ATG7: variants seen among roughly 807,000 people sequenced by gnomAD.
ATG7 encodes the protein autophagy related 7, also known as ubiquitin-like modifier-activating enzyme ATG7.
A neutral mutation model predicts 82.4 loss-of-function variants in ATG7; 70 were observed. That is an observed-to-expected ratio of 0.85 (90% CI 0.70 to 1.04). The LOEUF is 1.04. Among genes scored for constraint, ATG7 ranks in the 50% least tolerant of loss-of-function variants. The pLI is 0.00. For missense variants in ATG7, 792 were observed against 864.3 expected (o/e 0.92, Z 1.05); for synonymous variants, 287 against 313.0 (o/e 0.92, Z 0.88).
At chr3:11,511,282 G>A (rs1289125052) in intron 20 of ATG7, among the ~76,000 whole-genome samples, 1 of 152,102 alleles carries the variant, frequency 6.6e-6, no homozygotes, top group Non-Finnish European at 1.5e-5. Context: ...TTGTCAGGGC[G>A]CTGATTGGTG....
At chr3:11,320,372 C>T (rs1246203392) in intron 9 of ATG7, among the ~76,000 whole-genome samples, 4 of 152,038 alleles carry the variant, frequency 2.6e-5, no homozygotes, top group South Asian at 2.1e-4. Context: ...CTGCAACCTC[C>T]GCCTCCTGGG....
intron 19 of ATG7, among the ~76,000 whole-genome samples, chr3:11,404,703 C>T (rs2080168100): frequency 6.6e-6 from 1 of 151,926 alleles, no homozygotes; most frequent in Non-Finnish European, 1.5e-5. Context: ...CTTACAGTTC[C>T]ACATGGCTGA....
chr3:11,568,093 G>A, the ATG7 span, among the ~76,000 whole-genome samples: 2 of 152,216 alleles, frequency 1.3e-5, no homozygotes, highest in African/African-American at 4.8e-5. This position sits in a 1 kb window ranked among gnomAD's most constrained non-coding sequence, Gnocchi z 5.9. Context: ...AGAAAGGCCC[G>A]GGAGGGGCTG....
chr3:11,518,493 C>T (rs1156422163), intron 20 of ATG7, among the ~76,000 whole-genome samples: 1 of 151,826 alleles, frequency 6.6e-6, no homozygotes, highest in East Asian at 1.9e-4. Context: ...GTTGCAGTGG[C>T]CTGAGATCGT....
At chr3:11,465,049 A>AC (rs1303852766) in intron 20 of ATG7, among the ~76,000 whole-genome samples, 1 of 41,054 alleles carries the variant, frequency 2.4e-5, no homozygotes, top group Admixed American at 2.7e-4. Flanking sequence ...TGTAAAGGAA[A>AC]AATTTTTTTT....
chr3:11,453,196 G>A (rs2085364944), intron 20 of ATG7, among the ~76,000 whole-genome samples: 1 of 152,332 alleles, frequency 6.6e-6, no homozygotes, highest in East Asian at 1.9e-4. Context: ...CCCAGGTGGA[G>A]AACAGACGGG....
At chr3:11,299,928 C>CT (rs34118059) in intron 5 of ATG7, among the ~76,000 whole-genome samples, 30,187 of 144,446 alleles carry the variant, frequency 0.21, 3,355 homozygotes, top group South Asian at 0.35. Context: ...AAGAGACACA[C>CT]TTTTTTTTTT....
At chr3:11,297,633 T>C (rs1946159223) in intron 3 of ATG7, among the ~76,000 whole-genome samples, 1 of 152,128 alleles carries the variant, frequency 6.6e-6, no homozygotes, top group African/African-American at 2.4e-5. Context: ...ATAAAATATA[T>C]ATCATGGCAC....
chr3:11,501,835 G>A lies in ATG7; in HGVS notation c.2080-52976G>A, dbSNP rs901531786. On this transcript the variant is annotated intron_variant, in intron 20 of 20. Coordinates refer to ENST00000693202, the MANE Select transcript of ATG7 (RefSeq NM_001349232.2). ...CTCCTGAGTAGCTGGGATTACAGGT[G>A]TGCGCCACCACATCCGGCTAATTTT... is the stretch of plus-strand genomic sequence containing the variant. 5.3e-5 allele frequency among the ~76,000 whole-genome samples: 8 copies of A among 152,224 alleles called. No homozygotes were observed. The South Asian group carries it at 6.2e-4, about 12-fold the overall frequency.
At chr3:11,530,916 G>A (rs563207146) in intron 20 of ATG7, among the ~76,000 whole-genome samples, 1 of 152,334 alleles carries the variant, frequency 6.6e-6, no homozygotes, top group African/African-American at 2.4e-5. Flanking sequence ...GGGAGGCAGA[G>A]GTTGCAGTGA....
intron 19 of ATG7, among the ~76,000 whole-genome samples, chr3:11,418,975 G>A (rs928912450): frequency 2.1e-4 from 32 of 150,982 alleles, no homozygotes; most frequent in Admixed American, 2.0e-3. Flanking sequence ...CCTCCCCCCC[G>A]ATCCAGTCAC....
chr3:11,538,386 C>T (rs1166974013), intron 20 of ATG7, among the ~76,000 whole-genome samples: 1 of 152,080 alleles, frequency 6.6e-6, no homozygotes, highest in African/African-American at 2.4e-5. Context: ...AATGAGAACC[C>T]AGGACATGGG....
chr3:11,366,453 C>T (rs1559478963), intron 18 of ATG7, among the ~76,000 whole-genome samples: 1 of 151,934 alleles, frequency 6.6e-6, no homozygotes, highest in Non-Finnish European at 1.5e-5. Flanking sequence ...TCACGTAGGA[C>T]CCAAAAGACG....
intron 20 of ATG7, among the ~76,000 whole-genome samples, chr3:11,461,964 G>C (rs1559674248): frequency 6.6e-6 from 1 of 152,038 alleles, no homozygotes; most frequent in Non-Finnish European, 1.5e-5. Flanking sequence ...CCGGGAGGCA[G>C]AGCTTGCAGT....
In ATG7 at chr3:11,299,393, A is replaced by T. The variant is rs1367449176; in HGVS notation, c.192A>T (p.Thr64=). The T allele has an allele frequency of 1.4e-5, 22 of 1,612,576 alleles. No homozygotes were observed. Among genetic ancestry groups the T allele is most frequent in the Non-Finnish European group, 1.7e-5 (20 of 1,178,582 alleles). Residue 64 remains threonine, a synonymous_variant, in exon 5 of 21, where the codon ACA becomes ACT. Coordinates refer to ENST00000693202, the MANE Select transcript of ATG7 (RefSeq NM_001349232.2). ...CTGCTGGGCTGCCAGCTCGCTTAAC[A>T]TTGGAGTTCAGTGCTTTTGACATGT... is the stretch of plus-strand genomic sequence containing the variant. ...GDSAGLPARL[T]LEFSAFDMSA... is the part of the protein sequence containing the mutation.
At chr3:11,528,968 TAC>T (rs1366267469) in intron 20 of ATG7, among the ~76,000 whole-genome samples, 1 of 151,590 alleles carries the variant, frequency 6.6e-6, no homozygotes, top group African/African-American at 2.4e-5. Context: ...GGGAGAGAGG[TAC>T]AGATAGGCTT....
At chr3:11,275,685 C>T (rs1277325724) in intron 1 of ATG7, among the ~76,000 whole-genome samples, 5 of 152,094 alleles carry the variant, frequency 3.3e-5, no homozygotes, top group Non-Finnish European at 7.4e-5. Context: ...TCTCCCCACC[C>T]TTCTCCAGTG....
intron 20 of ATG7, among the ~76,000 whole-genome samples, chr3:11,463,954 G>A (rs1316907480): frequency 6.6e-6 from 1 of 152,228 alleles, no homozygotes; most frequent in Non-Finnish European, 1.5e-5. Flanking sequence ...GTGGTCCCAG[G>A]AAGACAGGAT....
At chr3:11,419,131 C>T (rs1485426433) in intron 19 of ATG7, among the ~76,000 whole-genome samples, 1 of 152,160 alleles carries the variant, frequency 6.6e-6, no homozygotes, top group Non-Finnish European at 1.5e-5. Context: ...TTTAAGTCAT[C>T]AAGAGCAAGT....
Sources: gnomAD v4.1 joint callset for allele counts (sites outside exome capture counted in the v4.1 genomes callset) on GRCh38, gnomAD v4.1.1 for gene constraint, Gnocchi (gnomAD v3.1) non-coding constraint, MANE v1.5 for transcripts, NCBI Gene and HGNC (gene_info 2026-07-23, HGNC 2026-07-21) for gene names.